Variants in USP49 observed in about 807,000 individuals in gnomAD.
USP49 encodes ubiquitin carboxyl-terminal hydrolase 49.
USP49 carries 24 observed loss-of-function variants against 58.6 expected under a neutral mutation model. That is an observed-to-expected ratio of 0.41 (90% CI 0.30 to 0.58). The LOEUF is 0.58. USP49 is among the 20% of genes least tolerant of loss of function. The pLI is 0.30. For missense variants in USP49, 703 were observed against 866.1 expected (o/e 0.81, Z 2.36); for synonymous variants, 408 against 365.1 (o/e 1.12, Z -1.34).
intron 3 of USP49, among the ~76,000 whole-genome samples, chr6:41,807,310 A>AT (rs2127324965): frequency 6.6e-6 from 1 of 152,344 alleles, no homozygotes; most frequent in Admixed American, 6.5e-5. Context: ...AGAAACTCAA[A>AT]TAAAAAGTCA....
chr6:41,831,350 G>A (rs1392622539), intron 3 of USP49, among the ~76,000 whole-genome samples: 18 of 149,116 alleles, frequency 1.2e-4, no homozygotes, highest in Admixed American at 8.7e-4. Flanking sequence ...AGATTGTGCC[G>A]CTGCACTCCA....
chr6:41,885,947 TTACC>T (rs983755146), intron 2 of USP49, among the ~76,000 whole-genome samples: 7 of 152,238 alleles, frequency 4.6e-5, no homozygotes, highest in Non-Finnish European at 1.0e-4. Context: ...TAAAGCACAC[TTACC>T]TTTCACTTGA....
rs1470818930 is a variant in USP49, at chr6:41,804,140, TAATA to T, written c.1357-134_1357-131del. 1.3e-5 allele frequency: 9 copies of T among 711,032 alleles called. No individual in the cohort carries two copies. The African/African-American group carries it at 1.4e-4, about 11-fold the overall frequency. 44.0% of individuals were successfully genotyped at this position (711,032 alleles called of 1,614,324 possible). A position where few individuals can be genotyped will look rare whatever the true frequency, so the allele number is the denominator to read the frequency against. On this transcript the variant is annotated intron_variant, in intron 4 of 7. Transcript: ENST00000682992. ...TTTTCAAAAAATAGTAATATTAAAA[TAATA>T]AACATAACTTTAAAAGAATTAGAGT...
In USP49 at chr6:41,796,255, T is replaced by C; in HGVS notation, c.*278A>G. The C allele has an allele frequency of 3.1e-6, 1 of 324,238 alleles. No homozygotes were observed. Among genetic ancestry groups the C allele is most frequent in the African/African-American group, 2.1e-5 (1 of 48,438 alleles). 20.1% of individuals were successfully genotyped at this position (324,238 alleles called of 1,614,324 possible). On this transcript the variant is annotated 3_prime_UTR_variant, in exon 8 of 8. Coordinates refer to ENST00000682992, the MANE Select transcript of USP49 (RefSeq NM_001286554.2). ...GATTGATTTACCCCCCCGCCCCGCT[T>C]TCCTCCACCCAGATCCCTCTATATT...
At chr6:41,864,413 A>G (rs1401815743) in intron 3 of USP49, among the ~76,000 whole-genome samples, 1 of 151,956 alleles carries the variant, frequency 6.6e-6, no homozygotes, top group African/African-American at 2.4e-5. Flanking sequence ...AAAAACAAAA[A>G]TTAGCTGGGT....
chr6:41,798,539 G>A (rs1269812053), intron 7 of USP49, 185 bp downstream of exon 7: 3 of 1,488,086 alleles, frequency 2.0e-6, no homozygotes, highest in Non-Finnish European at 2.7e-6. Context: ...GCCTCCCAAA[G>A]CGCTAGGATT....
chr6:41,889,866 G>A (rs1774780899), intron 2 of USP49, among the ~76,000 whole-genome samples: 1 of 152,006 alleles, frequency 6.6e-6, no homozygotes, highest in African/African-American at 2.4e-5. Flanking sequence ...AAGCAAATGG[G>A]GCAAAATGAA....
chr6:41,862,013 T>C (rs1582027426), intron 3 of USP49, among the ~76,000 whole-genome samples: 1 of 152,286 alleles, frequency 6.6e-6, no homozygotes, highest in East Asian at 1.9e-4. Flanking sequence ...TGTCACTCTT[T>C]TTAAAGACTG....
At chr6:41,858,494 T>C (rs1232370608) in intron 3 of USP49, among the ~76,000 whole-genome samples, 1 of 152,118 alleles carries the variant, frequency 6.6e-6, no homozygotes, top group Non-Finnish European at 1.5e-5. Context: ...CTCCATCATA[T>C]CTTTATAATG....
At chr6:41,820,109 C>G (rs909612555) in intron 3 of USP49, among the ~76,000 whole-genome samples, 2 of 151,398 alleles carry the variant, frequency 1.3e-5, no homozygotes, top group Non-Finnish European at 2.9e-5. Flanking sequence ...ACAAACCAAC[C>G]ATAAAAAGAT....
At chr6:41,825,515 T>C (rs769663436) in intron 3 of USP49, among the ~76,000 whole-genome samples, 2 of 152,166 alleles carry the variant, frequency 1.3e-5, no homozygotes, top group African/African-American at 2.4e-5. Context: ...ATCTCTCCTA[T>C]GTTGCCTGTG....
rs34908974 is a variant in USP49 at position 41,802,405 on chromosome 6, ATTTTT to A, written c.1561+1396_1561+1400del. On this transcript the variant is annotated intron_variant, in intron 5 of 7. Coordinates refer to ENST00000682992, the MANE Select transcript of USP49 (RefSeq NM_001286554.2). The stretch of plus-strand genomic sequence containing the variant: ...AATTTATTTTATTTTATTTTATTTT[ATTTTT>A]TATTTTATTTTATTTTATTTTATTT... 1.0e-3 allele frequency among the ~76,000 whole-genome samples: 65 copies of A among 64,072 alleles called. 1 individual carries two copies. Among genetic ancestry groups the A allele is most frequent in the Middle Eastern group, 0.011 (1 of 92 alleles). The allele number at this position is 64,072 out of a possible 152,430, so 42.0% of individuals were successfully genotyped here.
At chr6:41,878,879 G>C (rs943223285) in intron 2 of USP49, among the ~76,000 whole-genome samples, 7 of 152,158 alleles carry the variant, frequency 4.6e-5, no homozygotes, top group Admixed American at 1.3e-4. Context: ...ATTTCATTAG[G>C]AAATGACCCA....
rs371125230 is a variant in USP49 at position 41,796,136 on chromosome 6, A to G, written c.*397T>C. 7.5e-4 allele frequency: 143 copies of G among 191,198 alleles called. No homozygotes were observed. In the South Asian group the frequency reaches 0.013, roughly 18 times the overall value. 11.8% of individuals were successfully genotyped at this position (191,198 alleles called of 1,614,324 possible). On this transcript the variant is annotated 3_prime_UTR_variant, in exon 8 of 8. Transcript: ENST00000682992. ...ACGTGCTCTGTCCAGGACTGCTCAC[A>G]TCCGGAGGGTTCTTCTGGTGCTGCA...
chr6:41,805,529 G>A (rs2127323111), intron 4 of USP49, 99 bp downstream of exon 4: 1 of 1,276,222 alleles, frequency 7.8e-7, no homozygotes, highest in Non-Finnish European at 1.1e-6. Context: ...CACAGCAAAT[G>A]TGGGCTACTC....
intron 3 of USP49, among the ~76,000 whole-genome samples, chr6:41,865,193 C>T (rs370973699): frequency 6.6e-6 from 1 of 151,960 alleles, no homozygotes; most frequent in African/African-American, 2.4e-5. Flanking sequence ...TACAGGCACC[C>T]GCCATCATGC....
At chr6:41,874,828 C>T (rs1342780310) in intron 2 of USP49, among the ~76,000 whole-genome samples, 1 of 152,084 alleles carries the variant, frequency 6.6e-6, no homozygotes, top group Non-Finnish European at 1.5e-5. Context: ...TGTTTTGGCA[C>T]AAATCTGTAG....
chr6:41,804,099 A>T, intron 4 of USP49, 89 bp from the exon 5 acceptor site: 1 of 1,171,182 alleles, frequency 8.5e-7, no homozygotes. Context: ...ACACTTTATC[A>T]AAACTAAGTG....
In USP49 at chr6:41,806,067, T is replaced by C; in HGVS notation, c.917A>G (p.Lys306Arg). The change falls in exon 4 of 8, where the codon AAG becomes AGG. Residue 306 changes from lysine (K) to arginine (R), a missense_variant. By Grantham distance (26) the Lys-to-Arg change is conservative (BLOSUM62 2). This residue lies in a region of USP49 where 97 missense variants were observed against 88.0 expected (regional missense o/e 1.10). Transcript: ENST00000682992. The surrounding 1 kb of genome is among the most constrained non-coding windows in gnomAD (Gnocchi z 5.9). ...ATNGKTQLSG[K>R]PTNSSATELS... The stretch of plus-strand genomic sequence containing the variant: ...CTCCGTGGCCGAGCTGTTGGTTGGC[T>C]TGCCAGAAAGCTGAGTCTTCCCGTT... 2 of 1,614,084 alleles carry C rather than the reference T, an allele frequency of 1.2e-6. No homozygotes were observed. The highest frequency in any genetic ancestry group is 1.7e-5 in the Admixed American group (1 of 60,034).
Sources: gnomAD v4.1 joint callset for allele counts (sites outside exome capture counted in the v4.1 genomes callset) on GRCh38, gnomAD v4.1.1 for gene constraint, gnomAD v4.1.1 regional missense constraint, Gnocchi (gnomAD v3.1) non-coding constraint, MANE v1.5 for transcripts, NCBI Gene and HGNC (gene_info 2026-07-23, HGNC 2026-07-21) for gene names.